The following ZNF148 variants were observed in gnomAD, a reference collection of about 807,000 sequenced individuals.
The protein encoded by ZNF148 is Beta-Enolase Repressor Factor-1.
A neutral mutation model predicts 67.7 loss-of-function variants in ZNF148; 7 were observed. That is an observed-to-expected ratio of 0.10 (90% CI 0.06 to 0.19). The LOEUF (loss-of-function observed/expected upper bound fraction) is 0.19, where lower values mean the gene tolerates loss of function less well. ZNF148 is among the 10% of genes least tolerant of loss of function. The pLI is 1.00. For missense variants in ZNF148, 583 were observed against 947.1 expected, an observed-to-expected ratio of 0.62 and a Z score of 5.05; for synonymous variants, 333 against 330.7, an observed-to-expected ratio of 1.01 and a Z score of -0.08.
chr3:125,326,364 T>C (rs1248125347), intron 2 of ZNF148, among the ~76,000 whole-genome samples: 4 of 151,998 alleles, frequency 2.6e-5, no homozygotes, highest in African/African-American at 9.7e-5. Flanking sequence ...TATATTACAA[T>C]AGCAGTACAA....
At chr3:125,350,408 G>A (rs768514498) in intron 1 of ZNF148, among the ~76,000 whole-genome samples, 9 of 152,074 alleles carry the variant, frequency 5.9e-5, no homozygotes, top group Non-Finnish European at 8.8e-5. Context: ...CAAATGACCC[G>A]CCTGCCTTGG....
chr3:125,357,461 T>A, intron 1 of ZNF148, among the ~76,000 whole-genome samples: 1 of 151,826 alleles, frequency 6.6e-6, no homozygotes, highest in East Asian at 1.9e-4. Flanking sequence ...AAGCCCGTCC[T>A]CCCCCCCTTC....
intron 4 of ZNF148, chr3:125,311,287 A>T (rs2107670192): frequency 6.5e-6 from 1 of 153,644 alleles, no homozygotes; most frequent in Middle Eastern, 3.4e-3. Context: ...TTAATCCAGA[A>T]ATAGAAGTTC....
intron 1 of ZNF148, among the ~76,000 whole-genome samples, chr3:125,364,400 A>G (rs1942639768): frequency 6.6e-6 from 1 of 152,208 alleles, no homozygotes; most frequent in South Asian, 2.1e-4. Context: ...AAAAAAACAA[A>G]CAGAACACCT....
intron 4 of ZNF148, among the ~76,000 whole-genome samples, chr3:125,296,458 C>A (rs1413924004): frequency 1.3e-5 from 2 of 151,998 alleles, no homozygotes; most frequent in African/African-American, 4.8e-5. Context: ...TACCTTCCAC[C>A]CAGGACAAAG....
intron 3 of ZNF148, among the ~76,000 whole-genome samples, chr3:125,316,908 T>G (rs1270209589): frequency 6.6e-6 from 1 of 152,126 alleles, no homozygotes; most frequent in African/African-American, 2.4e-5. Flanking sequence ...CAATAAATAT[T>G]GAGGAAGTAG....
intron 4 of ZNF148, among the ~76,000 whole-genome samples, chr3:125,302,732 A>C (rs1228751899): frequency 6.6e-6 from 1 of 152,230 alleles, no homozygotes; most frequent in Non-Finnish European, 1.5e-5. Flanking sequence ...AATTCAAAAT[A>C]TACTGTTAAG....
chr3:125,316,791 C>T (rs1184415108), intron 3 of ZNF148, among the ~76,000 whole-genome samples: 1 of 152,128 alleles, frequency 6.6e-6, no homozygotes, highest in Non-Finnish European at 1.5e-5. Context: ...TTCCCCCATT[C>T]TGTGGGTTGT....
At chr3:125,255,298 G>A (rs1937024413) in intron 7 of ZNF148, among the ~76,000 whole-genome samples, 2 of 137,536 alleles carry the variant, frequency 1.5e-5, no homozygotes, top group East Asian at 2.2e-4. Flanking sequence ...CCAGGCTGGA[G>A]TGCAGTGGCA....
chr3:125,255,746 A>G (rs1937045143), intron 7 of ZNF148, among the ~76,000 whole-genome samples: 1 of 152,136 alleles, frequency 6.6e-6, no homozygotes, highest in African/African-American at 2.4e-5. Context: ...GTTAGCTTTC[A>G]GCATTTTAAA....
chr3:125,303,690 T>G (rs989771869), intron 4 of ZNF148, among the ~76,000 whole-genome samples: 4 of 151,894 alleles, frequency 2.6e-5, no homozygotes, highest in African/African-American at 9.7e-5. Context: ...TTATGGTGAG[T>G]TGTATAATTA....
At chr3:125,261,647 T>C (rs1937345458) in intron 7 of ZNF148, among the ~76,000 whole-genome samples, 1 of 152,008 alleles carries the variant, frequency 6.6e-6, no homozygotes, top group Admixed American at 6.6e-5. Flanking sequence ...TGAGGAGGAC[T>C]GATAGGAGAG....
chr3:125,257,464 G>GA (rs1006866581), intron 7 of ZNF148, among the ~76,000 whole-genome samples: 5 of 149,072 alleles, frequency 3.4e-5, no homozygotes, highest in African/African-American at 1.2e-4. Flanking sequence ...GCTGAGACGA[G>GA]AATCGCTTGA....
rs962648493 is a variant in ZNF148 at position 125,239,565 on chromosome 3, T to C, written c.668-5236A>G. ...GAGAATTGAAACCCTCATACAAGGC[T>C]GGTAGAACTGTAAAATGGTATTAAG... On this transcript the variant is annotated intron_variant, in intron 7 of 8. Transcript: ENST00000360647. Among the ~76,000 whole-genome samples, 3 of 152,176 alleles carry C rather than the reference T, an allele frequency of 2.0e-5. No individual in the cohort carries two copies. In the South Asian group the frequency reaches 6.2e-4, roughly 32 times the overall value.
At position 125,243,528 on chromosome 3, in the gene ZNF148, C is replaced by CT. The variant is rs901648018; in HGVS notation, c.668-9200dup. On this transcript the variant is annotated intron_variant, in intron 7 of 8. Transcript: ENST00000360647. ...TGTGTACTTTCGTATGTTTCTGATT[C>CT]TTTTTTTTGAAGAGCAGGGTCTCAC... 1.1e-4 allele frequency among the ~76,000 whole-genome samples: 16 copies of CT among 151,874 alleles called. No homozygotes were observed. In the East Asian group the frequency reaches 1.5e-3, roughly 15 times the overall value.
intron 4 of ZNF148, among the ~76,000 whole-genome samples, chr3:125,311,534 T>C (rs1940212632): frequency 6.6e-6 from 1 of 152,196 alleles, no homozygotes; most frequent in South Asian, 2.1e-4. Flanking sequence ...TTTTTTCTGC[T>C]GATAGTTGTA....
chr3:125,332,441 T>C (rs145821066), intron 1 of ZNF148, among the ~76,000 whole-genome samples: 3 of 152,216 alleles, frequency 2.0e-5, no homozygotes, highest in African/African-American at 7.2e-5. Context: ...CTATTAAAAA[T>C]GGGTAAAGTA....
intron 7 of ZNF148, among the ~76,000 whole-genome samples, chr3:125,262,938 T>C (rs1055642855): frequency 4.6e-5 from 7 of 152,260 alleles, no homozygotes; most frequent in African/African-American, 1.7e-4. Flanking sequence ...TTAAATGCTT[T>C]GTATTTCTCA....
chr3:125,363,481 C>T (rs1442681218), intron 1 of ZNF148, among the ~76,000 whole-genome samples: 1 of 152,216 alleles, frequency 6.6e-6, no homozygotes, highest in Non-Finnish European at 1.5e-5. Context: ...CCATCAATCT[C>T]AGTCACCCAG....
Sources: gnomAD v4.1 joint callset for allele counts (sites outside exome capture counted in the v4.1 genomes callset) on GRCh38, gnomAD v4.1.1 for gene constraint, MANE v1.5 for transcripts, NCBI Gene and HGNC (gene_info 2026-07-23, HGNC 2026-07-21) for gene names.